Variants in UNC5D observed in about 807,000 individuals in gnomAD.
UNC5D encodes netrin receptor UNC5D.
A neutral mutation model predicts 105.4 loss-of-function variants in UNC5D; 39 were observed. The observed-to-expected ratio is 0.37, with a 90% CI of 0.29 to 0.48. The LOEUF is 0.48. UNC5D is among the 20% of genes least tolerant of loss of function. The pLI is 0.98. For synonymous variants in UNC5D, 452 were observed against 450.4 expected, an observed-to-expected ratio of 1.00 and a Z score of -0.04; for missense variants, 991 against 1,202.4, an observed-to-expected ratio of 0.82 and a Z score of 2.60.
Position 35,449,888 on chromosome 8 carries a change from G to A in UNC5D, c.104-99404G>A, listed in dbSNP as rs550687273. Among the ~76,000 whole-genome samples the A allele has an allele frequency of 3.9e-5, 6 of 152,170 alleles. No homozygotes were observed. In the South Asian group the frequency reaches 1.2e-3, roughly 32 times the overall value. On this transcript the variant is annotated intron_variant, in intron 1 of 16. Coordinates refer to ENST00000404895, the MANE Select transcript of UNC5D (RefSeq NM_080872.4). ...AGTCTTTGGCCTTTGGGCTTCCATG[G>A]TGATCCATTCAGCATGACCTACCCC...
intron 4 of UNC5D, among the ~76,000 whole-genome samples, chr8:35,649,435 T>C (rs1212453260): frequency 2.6e-5 from 4 of 152,196 alleles, no homozygotes; most frequent in Non-Finnish European, 5.9e-5. Flanking sequence ...AAGAGTATGT[T>C]CATACTGAAG....
At chr8:35,580,373 C>A (rs982554479) in intron 3 of UNC5D, among the ~76,000 whole-genome samples, 2 of 152,028 alleles carry the variant, frequency 1.3e-5, no homozygotes, top group African/African-American at 4.8e-5. Context: ...GTTATGAGAA[C>A]TAGCTACATT....
At chr8:35,401,347 A>T (rs1008687488) in intron 1 of UNC5D, among the ~76,000 whole-genome samples, 1 of 152,076 alleles carries the variant, frequency 6.6e-6, no homozygotes, top group Non-Finnish European at 1.5e-5. Flanking sequence ...AGCCGGGCAT[A>T]GTGGCACATG....
chr8:35,709,081 A>G (rs542325984), intron 8 of UNC5D, among the ~76,000 whole-genome samples: 5 of 151,872 alleles, frequency 3.3e-5, no homozygotes, highest in East Asian at 1.9e-4. Context: ...CACCTACTAG[A>G]TCTCAAAAGT....
At chr8:35,647,630 G>A (rs1823138904) in intron 4 of UNC5D, among the ~76,000 whole-genome samples, 1 of 152,090 alleles carries the variant, frequency 6.6e-6, no homozygotes, top group Admixed American at 6.6e-5. Context: ...CTGCTATATA[G>A]ACAAATGCTC....
intron 4 of UNC5D, among the ~76,000 whole-genome samples, chr8:35,624,296 C>A (rs1182833016): frequency 2.6e-5 from 4 of 152,138 alleles, no homozygotes; most frequent in Admixed American, 2.0e-4. Context: ...TTAATCAATA[C>A]CTATGCAATC....
intron 1 of UNC5D, among the ~76,000 whole-genome samples, chr8:35,459,968 G>T (rs529400220): frequency 2.0e-5 from 3 of 152,106 alleles, no homozygotes; most frequent in Admixed American, 1.3e-4. Context: ...TAACCTTGCC[G>T]GATTCGGCTC....
chr8:35,545,437 G>T (rs190866501), intron 1 of UNC5D, among the ~76,000 whole-genome samples: 1 of 152,218 alleles, frequency 6.6e-6, no homozygotes, highest in East Asian at 1.9e-4. Flanking sequence ...AGAGAGGTGA[G>T]TCATTGCCCT....
chr8:35,446,427 A>C (rs917696197), intron 1 of UNC5D, among the ~76,000 whole-genome samples: 2 of 151,980 alleles, frequency 1.3e-5, no homozygotes, highest in Non-Finnish European at 2.9e-5. Flanking sequence ...TTTATGTTTA[A>C]TTCTTTAACC....
At chr8:35,634,174 T>G (rs1260252595) in intron 4 of UNC5D, among the ~76,000 whole-genome samples, 1 of 152,214 alleles carries the variant, frequency 6.6e-6, no homozygotes, top group East Asian at 1.9e-4. Context: ...GGAAAACGGT[T>G]TGTAAACTCC....
intron 4 of UNC5D, among the ~76,000 whole-genome samples, chr8:35,631,766 G>A (rs1463567890): frequency 6.6e-6 from 1 of 152,120 alleles, no homozygotes; most frequent in African/African-American, 2.4e-5. Context: ...ATCCTTAGGT[G>A]GTCTGTTTTA....
chr8:35,507,056 T>C lies in UNC5D; in HGVS notation c.104-42236T>C, dbSNP rs1017267907. Among the ~76,000 whole-genome samples, 25 of 130,294 alleles carry C rather than the reference T, an allele frequency of 1.9e-4. No homozygotes were observed. In the East Asian group the frequency reaches 3.3e-3, roughly 17 times the overall value. 85.5% of individuals were successfully genotyped at this position (130,294 alleles called of 152,430 possible). Reference sequence around the variant, plus strand: ...GCCTCCATCAGGGCTTTTCTTTTTTTTTTTTTTTTTTTTTTTTGAGACGGA... The same window carrying C: ...GCCTCCATCAGGGCTTTTCTTTTTTCTTTTTTTTTTTTTTTTTGAGACGGA... On this transcript the variant is annotated intron_variant, in intron 1 of 16. Coordinates refer to ENST00000404895, the MANE Select transcript of UNC5D (RefSeq NM_080872.4).
At chr8:35,437,005 AT>A (rs375175232) in intron 1 of UNC5D, among the ~76,000 whole-genome samples, 1,553 of 148,686 alleles carry the variant, frequency 0.01, 25 homozygotes, top group African/African-American at 0.036. Flanking sequence ...ATTTTTAGTC[AT>A]TTTTTTTTTC....
intron 7 of UNC5D, among the ~76,000 whole-genome samples, chr8:35,697,806 G>A (rs980127595): frequency 1.1e-4 from 16 of 152,108 alleles, no homozygotes; most frequent in African/African-American, 3.9e-4. Flanking sequence ...TAAATGTTTG[G>A]TCTAGCATGA....
At chr8:35,592,761 G>A (rs1205509154) in intron 3 of UNC5D, among the ~76,000 whole-genome samples, 2 of 151,966 alleles carry the variant, frequency 1.3e-5, no homozygotes, top group East Asian at 1.9e-4. Flanking sequence ...ACAGGTCGGC[G>A]GCCTGTTACC....
intron 1 of UNC5D, among the ~76,000 whole-genome samples, chr8:35,458,571 T>C (rs1260304728): frequency 6.6e-6 from 1 of 152,116 alleles, no homozygotes; most frequent in African/African-American, 2.4e-5. Flanking sequence ...ACAAAGAAGC[T>C]GATTAAAAAT....
At chr8:35,738,215 G>A (rs1056494097) in intron 11 of UNC5D, among the ~76,000 whole-genome samples, 3 of 152,202 alleles carry the variant, frequency 2.0e-5, no homozygotes, top group Non-Finnish European at 4.4e-5. Flanking sequence ...GTAACAGCCT[G>A]TGTGTGTAAA....
intron 8 of UNC5D, among the ~76,000 whole-genome samples, chr8:35,721,739 G>A (rs1395999359): frequency 1.3e-5 from 2 of 152,154 alleles, no homozygotes; most frequent in Non-Finnish European, 2.9e-5. Context: ...AATAGACTTT[G>A]TGTTATCTCC....
intron 1 of UNC5D, among the ~76,000 whole-genome samples, chr8:35,400,933 G>A (rs193230027): frequency 1.6e-4 from 25 of 152,272 alleles, no homozygotes; most frequent in African/African-American, 5.8e-4. Flanking sequence ...TATAATGCCT[G>A]TTTATTAGCA....
Sources: allele counts gnomAD v4.1 joint callset (sites outside exome capture counted in the v4.1 genomes callset), GRCh38; gene constraint gnomAD v4.1.1; transcripts MANE v1.5; gene names NCBI Gene and HGNC (gene_info 2026-07-23, HGNC 2026-07-21).